CAMTA1: variants seen among roughly 807,000 people sequenced by gnomAD.
The protein encoded by CAMTA1 is calmodulin binding transcription activator 1, also known as calmodulin-binding transcription activator 1.
CAMTA1 carries 27 observed loss-of-function variants against 170.9 expected under a neutral mutation model. That is an observed-to-expected ratio of 0.16 (90% CI 0.12 to 0.22). CAMTA1 has a LOEUF of 0.22. Ranked by LOEUF, CAMTA1 falls within the 10% of genes least tolerant of loss-of-function variation. CAMTA1 has a pLI of 1.00. For missense variants in CAMTA1, 1,619 were observed against 2,217.2 expected, an observed-to-expected ratio of 0.73 and a Z score of 5.42; for synonymous variants, 833 against 891.5, an observed-to-expected ratio of 0.93 and a Z score of 1.17.
At chr1:7,407,875 C>A (rs1420322791) in intron 5 of CAMTA1, among the ~76,000 whole-genome samples, 2 of 152,104 alleles carry the variant, frequency 1.3e-5, no homozygotes, top group African/African-American at 2.4e-5. Flanking sequence ...GGCCATCTTG[C>A]ATTCTATCCC....
At chr1:7,347,126 T>C (rs551195999) in intron 5 of CAMTA1, among the ~76,000 whole-genome samples, 1 of 152,250 alleles carries the variant, frequency 6.6e-6, no homozygotes, top group East Asian at 1.9e-4. Context: ...GGCTGCCTCA[T>C]CCCGGTGGCA....
At chr1:7,253,166 C>T (rs1261027305) in intron 5 of CAMTA1, among the ~76,000 whole-genome samples, 1 of 152,202 alleles carries the variant, frequency 6.6e-6, no homozygotes, top group Non-Finnish European at 1.5e-5. Context: ...CCCTGCACCC[C>T]ATACAGATTT....
At chr1:7,052,210 CT>C (rs1230514064) in intron 3 of CAMTA1, among the ~76,000 whole-genome samples, 1 of 152,162 alleles carries the variant, frequency 6.6e-6, no homozygotes, top group Admixed American at 6.5e-5. Flanking sequence ...TGGGGCCATT[CT>C]TTTTTGCTCC....
At position 6,934,415 on chromosome 1, in the gene CAMTA1, T is replaced by C. The variant is rs1048413478; in HGVS notation, c.234+109205T>C. 1.3e-5 allele frequency among the ~76,000 whole-genome samples: 2 copies of C among 152,146 alleles called. No homozygotes were observed. Among genetic ancestry groups the C allele is most frequent in the African/African-American group, 4.8e-5 (2 of 41,436 alleles). On this transcript the variant is annotated intron_variant, in intron 3 of 22. Transcript: ENST00000303635. The surrounding 1 kb of genome is among the most constrained non-coding windows in gnomAD (Gnocchi z 4.5). ...CCATGTCACCTGCTTTAGGCATTCA[T>C]ATTTGAGGCTCCACGGATGTGGTGA...
chr1:7,701,773 C>T (rs1483888788), intron 11 of CAMTA1, among the ~76,000 whole-genome samples: 2 of 152,136 alleles, frequency 1.3e-5, no homozygotes, highest in African/African-American at 4.8e-5. Context: ...TGCCAATGGA[C>T]TCATAACTGA....
chr1:7,524,107 C>A (rs1384367258), intron 6 of CAMTA1, among the ~76,000 whole-genome samples: 2 of 151,734 alleles, frequency 1.3e-5, no homozygotes, highest in Non-Finnish European at 2.9e-5. Flanking sequence ...GAGGCTGAGG[C>A]AGAAGAACTG....
chr1:7,494,332 G>A (rs1557810738), intron 6 of CAMTA1, among the ~76,000 whole-genome samples: 1 of 152,186 alleles, frequency 6.6e-6, no homozygotes, highest in Non-Finnish European at 1.5e-5. Context: ...AGGAGATCCG[G>A]AGAAGAACCT....
chr1:7,738,503 A>G lies in CAMTA1; in HGVS notation c.4182+21A>G, dbSNP rs1261440660. The G allele has an allele frequency of 6.2e-7, 1 of 1,604,802 alleles. No individual in the cohort carries two copies. The highest frequency in any genetic ancestry group is 1.7e-5 in the Admixed American group (1 of 59,646). On this transcript the variant is annotated intron_variant, in intron 16 of 22. Coordinates refer to ENST00000303635, the MANE Select transcript of CAMTA1 (RefSeq NM_015215.4). This position sits in a 1 kb window ranked among gnomAD's most constrained non-coding sequence, Gnocchi z 4.9. ...TACAGGTAAAAAGCAGGGACAGGGT[A>G]AGCCCGCAGAGGCTGGTGCGTTCCA...
intron 4 of CAMTA1, among the ~76,000 whole-genome samples, chr1:7,102,378 G>A (rs1410286017): frequency 6.6e-6 from 1 of 152,116 alleles, no homozygotes; most frequent in African/African-American, 2.4e-5. Context: ...GGTGGCTGGC[G>A]TTGTGACTTC....
chr1:7,190,127 CGGG>C (rs1353011780), intron 4 of CAMTA1, among the ~76,000 whole-genome samples: 7 of 152,038 alleles, frequency 4.6e-5, no homozygotes, highest in Non-Finnish European at 5.9e-5. Flanking sequence ...TTTGCGGACT[CGGG>C]GGAAAGGGTG....
At chr1:7,103,720 CAT>C (rs201097524) in intron 4 of CAMTA1, among the ~76,000 whole-genome samples, 3,186 of 150,806 alleles carry the variant, frequency 0.021, 41 homozygotes, top group Non-Finnish European at 0.032. Flanking sequence ...ACATGACACA[CAT>C]GTACACACCA....
chr1:6,848,396 G>A (rs74958590), intron 3 of CAMTA1, among the ~76,000 whole-genome samples: 4,108 of 152,268 alleles, frequency 0.027, 62 homozygotes, highest in South Asian at 0.035. Flanking sequence ...TGGTCCTCCC[G>A]TTTCGTCCTC....
intron 5 of CAMTA1, among the ~76,000 whole-genome samples, chr1:7,349,600 G>A (rs1400580349): frequency 6.6e-6 from 1 of 152,208 alleles, no homozygotes; most frequent in Admixed American, 6.5e-5. Context: ...GGCAGGGCAG[G>A]TTCCTCCTGA....
At chr1:7,311,716 T>C (rs542145344) in intron 5 of CAMTA1, among the ~76,000 whole-genome samples, 125 of 152,302 alleles carry the variant, frequency 8.2e-4, no homozygotes, top group African/African-American at 2.9e-3. Context: ...AATGTTGACA[T>C]TTTTGTTCTC....
At chr1:7,281,381 T>C (rs2149456140) in intron 5 of CAMTA1, among the ~76,000 whole-genome samples, 1 of 152,326 alleles carries the variant, frequency 6.6e-6, no homozygotes, top group South Asian at 2.1e-4. Flanking sequence ...ATAAAAGTTG[T>C]AGAAACAAGA....
At chr1:7,549,561 T>A (rs2094770682) in intron 6 of CAMTA1, among the ~76,000 whole-genome samples, 1 of 152,096 alleles carries the variant, frequency 6.6e-6, no homozygotes, top group Non-Finnish European at 1.5e-5. Flanking sequence ...AAAAAGTGCT[T>A]TAGATAAAAT....
chr1:6,943,846 C>CAAAAAAA (rs1198830005), intron 3 of CAMTA1, among the ~76,000 whole-genome samples: 1 of 51,698 alleles, frequency 1.9e-5, no homozygotes, highest in Non-Finnish European at 3.8e-5. Flanking sequence ...GACTCTGTCT[C>CAAAAAAA]AAAAAAAAAA....
chr1:7,455,576 G>A lies in CAMTA1; in HGVS notation c.439-12254G>A, dbSNP rs923497696. On this transcript the variant is annotated intron_variant, in intron 5 of 22. Coordinates refer to ENST00000303635, the MANE Select transcript of CAMTA1 (RefSeq NM_015215.4). The surrounding 1 kb of genome is among the most constrained non-coding windows in gnomAD (Gnocchi z 5.0). ...CTTCATAAGCAAAACCCTGTTGTCC[G>A]TTTTAAGCAAGAATCCCTGCCCAGA... Among the ~76,000 whole-genome samples, 2 of 152,320 alleles carry A rather than the reference G, an allele frequency of 1.3e-5. No individual in the cohort carries two copies. The highest frequency in any genetic ancestry group is 2.1e-4 in the South Asian group (1 of 4,818).
intron 6 of CAMTA1, among the ~76,000 whole-genome samples, chr1:7,583,239 G>A (rs114511394): frequency 1.3e-5 from 2 of 152,180 alleles, no homozygotes; most frequent in African/African-American, 2.4e-5. Flanking sequence ...TGTGGAAGGA[G>A]GGAGGAGCCA....
Sources: gnomAD v4.1 joint callset for allele counts (sites outside exome capture counted in the v4.1 genomes callset) on GRCh38, gnomAD v4.1.1 for gene constraint, Gnocchi (gnomAD v3.1) non-coding constraint, MANE v1.5 for transcripts, NCBI Gene and HGNC (gene_info 2026-07-23, HGNC 2026-07-21) for gene names.